Variants in FHIT observed in about 807,000 individuals in gnomAD.
The protein encoded by FHIT is bis(5'-adenosyl)-triphosphatase.
Under a neutral mutation model 17.9 loss-of-function variants are expected in FHIT, and 19 were observed. The ratio of observed to expected loss-of-function variants is 1.06; its 90% CI spans 0.74 to 1.56. The LOEUF is 1.56. FHIT is among the 40% of genes most tolerant of loss of function. FHIT has a pLI of 0.00. For synonymous variants in FHIT, 81 were observed against 69.7 expected, an observed-to-expected ratio of 1.16 and a Z score of -0.81; for missense variants, 248 against 189.2, an observed-to-expected ratio of 1.31 and a Z score of -1.82.
At chr3:60,759,604 T>A (rs782232657) in intron 4 of FHIT, among the ~76,000 whole-genome samples, 5 of 152,040 alleles carry the variant, frequency 3.3e-5, no homozygotes, top group Non-Finnish European at 7.4e-5. Flanking sequence ...AAGGCCAGTG[T>A]GGTTAAGTGG....
At chr3:60,346,886 A>G (rs1361219349) in intron 5 of FHIT, among the ~76,000 whole-genome samples, 1 of 152,160 alleles carries the variant, frequency 6.6e-6, no homozygotes, top group Admixed American at 6.5e-5. Flanking sequence ...TAGAAATTTT[A>G]TGTTTTAAAA....
At chr3:59,896,253 C>T (rs1704066126) in intron 8 of FHIT, among the ~76,000 whole-genome samples, 1 of 152,150 alleles carries the variant, frequency 6.6e-6, no homozygotes, top group Non-Finnish European at 1.5e-5. Flanking sequence ...GAAGTCAATA[C>T]ACATCTGTTG....
chr3:60,719,060 A>G (rs2107959024), intron 4 of FHIT, among the ~76,000 whole-genome samples: 1 of 152,340 alleles, frequency 6.6e-6, no homozygotes, highest in African/African-American at 2.4e-5. Context: ...TGGTGAAGGC[A>G]TGCCCAACAG....
chr3:59,970,024 C>A (rs768187610), intron 7 of FHIT, among the ~76,000 whole-genome samples: 1 of 152,012 alleles, frequency 6.6e-6, no homozygotes, highest in Non-Finnish European at 1.5e-5. Context: ...AACTGAATAT[C>A]ATTTTGCTGG....
rs550330676 is a variant in FHIT, at chr3:59,962,862, A to C, written c.280-40448T>G. Reference sequence around the variant, plus strand: ...AATAATAGAACAACTGAATCCATCAATTTTTCTAGCATATATACACTAAGC... The same window carrying C: ...AATAATAGAACAACTGAATCCATCACTTTTTCTAGCATATATACACTAAGC... On this transcript the variant is annotated intron_variant, in intron 7 of 9. Transcript: ENST00000492590. Among the ~76,000 whole-genome samples the C allele has an allele frequency of 2.5e-3, 382 of 152,354 alleles. 3 individuals carry two copies. The highest frequency in any genetic ancestry group is 8.8e-3 in the African/African-American group (368 of 41,584).
intron 8 of FHIT, among the ~76,000 whole-genome samples, chr3:59,914,290 G>A (rs1705026710): frequency 6.6e-6 from 1 of 151,948 alleles, no homozygotes; most frequent in Non-Finnish European, 1.5e-5. Context: ...GTGGCTAGCT[G>A]CTACCAAATT....
At chr3:61,020,425 T>C (rs781741421) in intron 3 of FHIT, among the ~76,000 whole-genome samples, 2 of 152,216 alleles carry the variant, frequency 1.3e-5, no homozygotes, top group Non-Finnish European at 2.9e-5. Flanking sequence ...TCTTTGTAGA[T>C]TCTGGATCTT....
At chr3:60,848,789 TG>T (rs755798292) in intron 3 of FHIT, among the ~76,000 whole-genome samples, 4 of 152,172 alleles carry the variant, frequency 2.6e-5, no homozygotes, top group Non-Finnish European at 2.9e-5. Context: ...TTTATTGTTA[TG>T]AGTTAAAATT....
At chr3:60,016,144 A>G (rs1319824396) in intron 5 of FHIT, among the ~76,000 whole-genome samples, 3 of 152,202 alleles carry the variant, frequency 2.0e-5, no homozygotes, top group Non-Finnish European at 2.9e-5. Flanking sequence ...CTCTGTCAAG[A>G]TTTCTTAGCC....
intron 5 of FHIT, among the ~76,000 whole-genome samples, chr3:60,238,639 G>A (rs1352044927): frequency 6.6e-6 from 1 of 152,072 alleles, no homozygotes; most frequent in African/African-American, 2.4e-5. Context: ...AGTATAGAAT[G>A]ATCGATTCAT....
chr3:60,374,744 C>T (rs768866376), intron 5 of FHIT, among the ~76,000 whole-genome samples: 63 of 151,942 alleles, frequency 4.1e-4, no homozygotes, highest in Non-Finnish European at 7.8e-4. Context: ...ATTGCATACT[C>T]AATTTTTCCA....
At chr3:60,521,432 A>G (rs537450641) in intron 5 of FHIT, among the ~76,000 whole-genome samples, 2 of 152,126 alleles carry the variant, frequency 1.3e-5, no homozygotes, top group East Asian at 1.9e-4. Flanking sequence ...TATTTTTAGT[A>G]GAGACGGGGT....
At chr3:60,192,067 A>G (rs1702423217) in intron 5 of FHIT, among the ~76,000 whole-genome samples, 2 of 152,000 alleles carry the variant, frequency 1.3e-5, no homozygotes, top group Admixed American at 6.6e-5. Context: ...CCTAGCAAAC[A>G]TGGCGAAACC....
intron 7 of FHIT, among the ~76,000 whole-genome samples, chr3:59,937,537 C>CTTTTTA (rs1706302594): frequency 1.3e-5 from 2 of 152,158 alleles, no homozygotes; most frequent in Admixed American, 1.3e-4. Context: ...TCTGGGCCCA[C>CTTTTTA]GTGCAACATT....
chr3:59,784,441 A>G (rs1702744959), intron 8 of FHIT, among the ~76,000 whole-genome samples: 1 of 152,112 alleles, frequency 6.6e-6, no homozygotes, highest in African/African-American at 2.4e-5. Flanking sequence ...TAAAATCCCA[A>G]CTCCTTAACA....
At chr3:59,873,244 C>T (rs967420991) in intron 8 of FHIT, among the ~76,000 whole-genome samples, 1 of 152,164 alleles carries the variant, frequency 6.6e-6, no homozygotes, top group African/African-American at 2.4e-5. Flanking sequence ...CCTCCACATT[C>T]AAATCTCAGT....
intron 5 of FHIT, among the ~76,000 whole-genome samples, chr3:60,312,916 G>C (rs1305807343): frequency 1.3e-5 from 2 of 152,162 alleles, no homozygotes; most frequent in African/African-American, 4.8e-5. Flanking sequence ...AATTGTGATG[G>C]TAATAAGAGC....
chr3:60,858,460 C>G (rs147374252), intron 3 of FHIT, among the ~76,000 whole-genome samples: 59 of 152,232 alleles, frequency 3.9e-4, no homozygotes, highest in East Asian at 1.4e-3. Context: ...TTAAAACATT[C>G]CAGGAAACCG....
chr3:60,621,386 T>G (rs1316730556), intron 4 of FHIT, among the ~76,000 whole-genome samples: 1 of 151,950 alleles, frequency 6.6e-6, no homozygotes, highest in Non-Finnish European at 1.5e-5. Context: ...CCTGACCTCA[T>G]GATCTGCCCG....
Sources: gnomAD v4.1 joint callset for allele counts (sites outside exome capture counted in the v4.1 genomes callset) on GRCh38, gnomAD v4.1.1 for gene constraint, MANE v1.5 for transcripts, NCBI Gene and HGNC (gene_info 2026-07-23, HGNC 2026-07-21) for gene names.